Variants in SOX5 observed in about 807,000 individuals in gnomAD.
The protein encoded by SOX5 is SRY-box transcription factor 5, also known as transcription factor SOX-5.
Under a neutral mutation model 92.0 loss-of-function variants are expected in SOX5, and 9 were observed. That is an observed-to-expected ratio of 0.10 (90% CI 0.06 to 0.17). SOX5 has a LOEUF of 0.17. Ranked by LOEUF, SOX5 falls within the 10% of genes least tolerant of loss-of-function variation. The pLI is 1.00. For synonymous variants in SOX5, 344 were observed against 336.3 expected, an observed-to-expected ratio of 1.02 and a Z score of -0.25; for missense variants, 642 against 944.5, an observed-to-expected ratio of 0.68 and a Z score of 4.20.
intron 1 of SOX5, among the ~76,000 whole-genome samples, chr12:24,461,646 G>A (rs1943645132): frequency 6.6e-6 from 1 of 151,766 alleles, no homozygotes; most frequent in African/African-American, 2.4e-5. Flanking sequence ...CTTTGTCTTG[G>A]GTATTATGTC....
chr12:24,231,925 T>C (rs1222642487), intron 3 of SOX5, among the ~76,000 whole-genome samples: 2 of 152,166 alleles, frequency 1.3e-5, no homozygotes, highest in African/African-American at 4.8e-5. Context: ...CCTAGAACAG[T>C]GCTGGATCCA....
chr12:23,775,342 TAGAA>T (rs973895670), intron 3 of SOX5, among the ~76,000 whole-genome samples: 86 of 152,260 alleles, frequency 5.6e-4, no homozygotes, highest in African/African-American at 2.0e-3. Context: ...AACTGAAACT[TAGAA>T]AGGTTGAGTC....
At chr12:23,601,108 C>T (rs1160202197) in intron 9 of SOX5, among the ~76,000 whole-genome samples, 1 of 152,056 alleles carries the variant, frequency 6.6e-6, no homozygotes, top group Non-Finnish European at 1.5e-5. Flanking sequence ...CAGCATTATC[C>T]TTTCTCTCTC....
chr12:24,390,227 T>C (rs551375533), intron 1 of SOX5, among the ~76,000 whole-genome samples: 2 of 152,332 alleles, frequency 1.3e-5, no homozygotes, highest in African/African-American at 4.8e-5. Flanking sequence ...CGTAACATTA[T>C]GTGAATTGAC....
At chr12:23,934,927 A>G (rs978685381) in intron 1 of SOX5, among the ~76,000 whole-genome samples, 1 of 151,310 alleles carries the variant, frequency 6.6e-6, no homozygotes, top group Admixed American at 6.6e-5. Flanking sequence ...TCTGACTCCA[A>G]AGTACTCTTG....
intron 1 of SOX5, among the ~76,000 whole-genome samples, chr12:23,930,682 T>C (rs1941198793): frequency 6.6e-6 from 1 of 151,686 alleles, no homozygotes; most frequent in Non-Finnish European, 1.5e-5. Flanking sequence ...GCAGGTACTA[T>C]TATTATCTCC....
intron 2 of SOX5, among the ~76,000 whole-genome samples, chr12:24,345,212 T>C (rs761032606): frequency 1.3e-5 from 2 of 152,230 alleles, no homozygotes; most frequent in Non-Finnish European, 2.9e-5. Flanking sequence ...AATGTATACA[T>C]TTTATTTTAG....
chr12:23,983,299 T>C (rs1329641741), intron 4 of SOX5, among the ~76,000 whole-genome samples: 1 of 152,084 alleles, frequency 6.6e-6, no homozygotes, highest in Non-Finnish European at 1.5e-5. Context: ...CCTTCCTGAG[T>C]GATTCTCCAA....
intron 4 of SOX5, among the ~76,000 whole-genome samples, chr12:24,128,383 G>T (rs922314331): frequency 2.0e-5 from 3 of 152,112 alleles, no homozygotes; most frequent in Non-Finnish European, 4.4e-5. Flanking sequence ...AACTAGTGGG[G>T]GAGAGAGGAA....
intron 1 of SOX5, chr12:23,944,169 A>T (rs1236797335): frequency 6.6e-6 from 1 of 152,026 alleles, no homozygotes; most frequent in Non-Finnish European, 1.5e-5. Context: ...AACAGTTCTC[A>T]CCAGAATTCT....
At chr12:24,139,676 A>C (rs887838968) in intron 4 of SOX5, among the ~76,000 whole-genome samples, 16 of 152,228 alleles carry the variant, frequency 1.1e-4, no homozygotes, top group Non-Finnish European at 2.2e-4. Context: ...TGCAATTTTT[A>C]ATCTCTTAGA....
chr12:24,358,421 C>T (rs1955125498), intron 2 of SOX5, among the ~76,000 whole-genome samples: 1 of 152,042 alleles, frequency 6.6e-6, no homozygotes, highest in South Asian at 2.1e-4. Context: ...TTCCTTTCTC[C>T]TCTTTGTTTT....
chr12:23,986,153 T>C (rs528536948), intron 4 of SOX5, among the ~76,000 whole-genome samples: 28 of 152,168 alleles, frequency 1.8e-4, no homozygotes, highest in Non-Finnish European at 3.4e-4. Flanking sequence ...TTACAATGTG[T>C]ATATCTTTTC....
intron 5 of SOX5, among the ~76,000 whole-genome samples, chr12:23,737,645 T>C (rs1240689064): frequency 6.6e-6 from 1 of 152,174 alleles, no homozygotes; most frequent in Non-Finnish European, 1.5e-5. Context: ...CAAGGCCCTA[T>C]ATGATTTGGT....
At chr12:23,658,474 T>C (rs2082599350) in intron 7 of SOX5, among the ~76,000 whole-genome samples, 1 of 152,206 alleles carries the variant, frequency 6.6e-6, no homozygotes, top group African/African-American at 2.4e-5. Context: ...AATTCAATTC[T>C]TTACAAATAT....
At chr12:24,065,217 T>C (rs1940462760) in intron 4 of SOX5, among the ~76,000 whole-genome samples, 2 of 152,132 alleles carry the variant, frequency 1.3e-5, no homozygotes, top group Non-Finnish European at 2.9e-5. Flanking sequence ...CCATCCCTTG[T>C]CCTCCAGTTC....
chr12:24,309,941 A>G (rs1949008224), intron 2 of SOX5, among the ~76,000 whole-genome samples: 1 of 152,092 alleles, frequency 6.6e-6, no homozygotes, highest in African/African-American at 2.4e-5. Flanking sequence ...CAAAGCAGGT[A>G]TTTTTAATCT....
chr12:23,827,745 C>A (rs1331986150), intron 3 of SOX5, among the ~76,000 whole-genome samples: 2 of 152,116 alleles, frequency 1.3e-5, no homozygotes, highest in Non-Finnish European at 2.9e-5. Flanking sequence ...CTTTAAAATA[C>A]TAAATGTGAT....
At chr12:24,437,585 T>A (rs1596621642) in intron 1 of SOX5, among the ~76,000 whole-genome samples, 1 of 151,958 alleles carries the variant, frequency 6.6e-6, no homozygotes, top group Admixed American at 6.6e-5. Flanking sequence ...TAAACAAATT[T>A]ACAAGAAAAA....
Sources: allele counts gnomAD v4.1 joint callset (sites outside exome capture counted in the v4.1 genomes callset), GRCh38; gene constraint gnomAD v4.1.1; transcripts MANE v1.5; gene names NCBI Gene and HGNC (gene_info 2026-07-23, HGNC 2026-07-21).